MGMT: variants seen among roughly 807,000 people sequenced by gnomAD.
The protein encoded by MGMT is methylated-DNA--protein-cysteine methyltransferase.
A neutral mutation model predicts 15.9 loss-of-function variants in MGMT; 14 were observed. The observed-to-expected ratio is 0.88, with a 90% CI of 0.58 to 1.37. The LOEUF (loss-of-function observed/expected upper bound fraction) is 1.37, where lower values mean the gene tolerates loss of function less well. MGMT is among the 40% of genes most tolerant of loss of function. MGMT has a pLI of 0.00. For missense variants in MGMT, 282 were observed against 268.1 expected, an observed-to-expected ratio of 1.05 and a Z score of -0.36; for synonymous variants, 130 against 118.2, an observed-to-expected ratio of 1.10 and a Z score of -0.65.
chr10:129,732,658 T>C (rs1848514325), intron 3 of MGMT, among the ~76,000 whole-genome samples: 1 of 150,716 alleles, frequency 6.6e-6, no homozygotes, highest in Admixed American at 6.6e-5. Context: ...CTGCACCCAC[T>C]AACTCGTCAT....
chr10:129,589,652 AC>A (rs2133052956), intron 2 of MGMT, among the ~76,000 whole-genome samples: 1 of 152,196 alleles, frequency 6.6e-6, no homozygotes, highest in East Asian at 1.9e-4. Context: ...TGCAATAGTG[AC>A]CCCCTATGGC....
Position 129,533,555 on chromosome 10 carries a change from A to C in MGMT, c.-12-2686A>C, listed in dbSNP as rs1845955053. Among the ~76,000 whole-genome samples, 1 of 152,320 alleles carries C rather than the reference A, an allele frequency of 6.6e-6. No homozygotes were observed. Among genetic ancestry groups the C allele is most frequent in the East Asian group, 1.9e-4 (1 of 5,170 alleles). On this transcript the variant is annotated intron_variant, in intron 1 of 4. Transcript: ENST00000651593. This position sits in a 1 kb window ranked among gnomAD's most constrained non-coding sequence, Gnocchi z 4.5. ...ATCGTGCAGGGCGAGTTTCCAAGAAATGGCGAGAGAGCATCCAGATTTCTC... is the reference window on the plus strand; with the variant it reads ...ATCGTGCAGGGCGAGTTTCCAAGAACTGGCGAGAGAGCATCCAGATTTCTC...
intron 3 of MGMT, among the ~76,000 whole-genome samples, chr10:129,736,658 G>C (rs977036021): frequency 2.6e-5 from 4 of 152,144 alleles, no homozygotes; most frequent in Non-Finnish European, 5.9e-5. Context: ...TCCTAGTCTT[G>C]ATGGTCTACA....
chr10:129,678,597 G>C (rs1307591766), intron 2 of MGMT, among the ~76,000 whole-genome samples: 3 of 152,184 alleles, frequency 2.0e-5, no homozygotes, highest in Non-Finnish European at 4.4e-5. Context: ...GGTTGAGACT[G>C]TAGGAGACAC....
rs541406764 is a variant in MGMT at position 129,770,011 on chromosome 10, A to G, written c.*3014A>G. Among the ~76,000 whole-genome samples the G allele has an allele frequency of 4.6e-5, 7 of 152,244 alleles. No homozygotes were observed. In the East Asian group the frequency reaches 1.4e-3, roughly 29 times the overall value. ...TACTTGGGGTTTGTAATTTGTATAC[A>G]CTTCTTACCCAGCAGAAACAGCTTA... On this transcript the variant is annotated 3_prime_UTR_variant, in exon 5 of 5. Coordinates refer to ENST00000651593, the MANE Select transcript of MGMT (RefSeq NM_002412.5).
At position 129,749,886 on chromosome 10, in the gene MGMT, T is replaced by C. The variant is rs529183968; in HGVS notation, c.275-9316T>C. On this transcript the variant is annotated intron_variant, in intron 3 of 4. Coordinates refer to ENST00000651593, the MANE Select transcript of MGMT (RefSeq NM_002412.5). ...AAAGACAAATTATGTTAAATATCTT[T>C]CCTTGTGCTTATTTGTCACCTATAT... 2.6e-5 allele frequency among the ~76,000 whole-genome samples: 4 copies of C among 152,272 alleles called. No homozygotes were observed. The East Asian group carries it at 7.7e-4, about 29-fold the overall frequency.
chr10:129,480,292 C>T (rs948350889), intron 1 of MGMT, among the ~76,000 whole-genome samples: 3 of 152,124 alleles, frequency 2.0e-5, no homozygotes, highest in Non-Finnish European at 4.4e-5. Context: ...TGGTAATTTC[C>T]TGAGGGTTTG....
chr10:129,484,490 A>G (rs1239703590), intron 1 of MGMT, among the ~76,000 whole-genome samples: 3 of 152,020 alleles, frequency 2.0e-5, no homozygotes, highest in Admixed American at 6.5e-5. Flanking sequence ...TTCTCATGTC[A>G]TATGTGGGTT....
chr10:129,488,997 A>C (rs1022213676), intron 1 of MGMT, among the ~76,000 whole-genome samples: 1 of 152,140 alleles, frequency 6.6e-6, no homozygotes, highest in Non-Finnish European at 1.5e-5. Context: ...CTCCTGTTCC[A>C]TTGATCTTTT....
chr10:129,721,800 T>C (rs1371992491), intron 3 of MGMT, among the ~76,000 whole-genome samples: 1 of 146,016 alleles, frequency 6.8e-6, no homozygotes, highest in Non-Finnish European at 1.5e-5. Flanking sequence ...TAAAATAGAA[T>C]GCTAATTCTT....
chr10:129,631,814 A>G (rs1351179205), intron 2 of MGMT, among the ~76,000 whole-genome samples: 1 of 152,190 alleles, frequency 6.6e-6, no homozygotes, highest in Non-Finnish European at 1.5e-5. Flanking sequence ...ACAGAGTGAG[A>G]CCCTGTCTCA....
intron 2 of MGMT, among the ~76,000 whole-genome samples, chr10:129,689,593 A>G (rs1847947574): frequency 6.6e-6 from 1 of 152,196 alleles, no homozygotes; most frequent in Admixed American, 6.5e-5. Flanking sequence ...TTCGGTTACC[A>G]CAAGCACACA....
intron 2 of MGMT, among the ~76,000 whole-genome samples, chr10:129,663,156 T>G (rs1406092612): frequency 6.6e-6 from 1 of 152,168 alleles, no homozygotes; most frequent in Admixed American, 6.5e-5. Flanking sequence ...TGAAGAAAAG[T>G]TTCATAAAAG....
chr10:129,756,981 G>A (rs1011149107), intron 3 of MGMT, among the ~76,000 whole-genome samples: 6 of 152,236 alleles, frequency 3.9e-5, no homozygotes, highest in African/African-American at 1.4e-4. Context: ...ATGTGATTCT[G>A]CACAGGCTAG....
rs898428358 is a variant in MGMT, at chr10:129,683,385, G to C, written c.126-24510G>C. On this transcript the variant is annotated intron_variant, in intron 2 of 4. Coordinates refer to ENST00000651593, the MANE Select transcript of MGMT (RefSeq NM_002412.5). Reference sequence around the variant, plus strand: ...TGGCTGAACTTGATACTGTTCATTTGATGGTTCTTTGATTAGCCTCATTAC... The same window carrying C: ...TGGCTGAACTTGATACTGTTCATTTCATGGTTCTTTGATTAGCCTCATTAC... 3.5e-4 allele frequency among the ~76,000 whole-genome samples: 54 copies of C among 152,188 alleles called. 1 individual carries two copies. Among genetic ancestry groups the C allele is most frequent in the Non-Finnish European group, 6.8e-4 (46 of 68,046 alleles).
chr10:129,703,168 A>G (rs1032402796), intron 2 of MGMT, among the ~76,000 whole-genome samples: 3 of 152,208 alleles, frequency 2.0e-5, no homozygotes, highest in Non-Finnish European at 2.9e-5. Context: ...CAATAGAGAA[A>G]GAGTTAAAAA....
At chr10:129,704,366 T>C (rs1848134759) in intron 2 of MGMT, among the ~76,000 whole-genome samples, 1 of 152,078 alleles carries the variant, frequency 6.6e-6, no homozygotes, top group Non-Finnish European at 1.5e-5. Context: ...AGGGCCTCTT[T>C]GTGACGGGAC....
chr10:129,623,941 C>T (rs1472345233), intron 2 of MGMT, among the ~76,000 whole-genome samples: 1 of 152,244 alleles, frequency 6.6e-6, no homozygotes, highest in Non-Finnish European at 1.5e-5. Flanking sequence ...TCAGCCAAGG[C>T]GATTGCCTGT....
chr10:129,518,828 A>G (rs578070727), intron 1 of MGMT, among the ~76,000 whole-genome samples: 5 of 151,820 alleles, frequency 3.3e-5, no homozygotes, highest in African/African-American at 1.2e-4. Context: ...TCAAAAGGTT[A>G]TGTGGATTTT....
Sources: gnomAD v4.1 joint callset for allele counts (sites outside exome capture counted in the v4.1 genomes callset) on GRCh38, gnomAD v4.1.1 for gene constraint, Gnocchi (gnomAD v3.1) non-coding constraint, MANE v1.5 for transcripts, NCBI Gene and HGNC (gene_info 2026-07-23, HGNC 2026-07-21) for gene names.